CSMD3: variants seen among roughly 807,000 people sequenced by gnomAD.
CSMD3 encodes the protein CUB and sushi domain-containing protein 3.
A neutral mutation model predicts 435.2 loss-of-function variants in CSMD3; 177 were observed. That is an observed-to-expected ratio of 0.41 (90% confidence interval 0.36 to 0.46). CSMD3 has a LOEUF of 0.46. Ranked by LOEUF, CSMD3 falls within the 20% of genes least tolerant of loss-of-function variation. CSMD3 has a pLI of 0.34. For missense variants in CSMD3, 4,265 were observed against 4,504.6 expected (o/e 0.95, Z 1.52); for synonymous variants, 1,656 against 1,520.5 (o/e 1.09, Z -2.07).
chr8:112,462,315 A>C (rs1817530822), intron 32 of CSMD3, among the ~76,000 whole-genome samples: 1 of 152,224 alleles, frequency 6.6e-6, no homozygotes, highest in African/African-American at 2.4e-5. Context: ...AAACAACCAT[A>C]AATGGGGAAA....
intron 5 of CSMD3, among the ~76,000 whole-genome samples, chr8:113,083,333 A>G (rs1041904959): frequency 1.3e-5 from 2 of 152,078 alleles, no homozygotes; most frequent in African/African-American, 4.8e-5. Flanking sequence ...GAATGAGATG[A>G]TATATTCAAA....
At chr8:112,525,925 T>G (rs1037929872) in intron 27 of CSMD3, among the ~76,000 whole-genome samples, 2 of 143,612 alleles carry the variant, frequency 1.4e-5, no homozygotes. Flanking sequence ...TTTATATATA[T>G]AAATATATAT....
chr8:112,600,192 T>C (rs989082700), intron 22 of CSMD3, among the ~76,000 whole-genome samples: 30 of 152,144 alleles, frequency 2.0e-4, no homozygotes, highest in African/African-American at 5.3e-4. Flanking sequence ...AAATTCCATG[T>C]ACACTATAAT....
intron 49 of CSMD3, among the ~76,000 whole-genome samples, chr8:112,311,399 C>T (rs997305210): frequency 2.0e-5 from 3 of 152,054 alleles, no homozygotes; most frequent in South Asian, 2.1e-4. Context: ...ATATTGTCAC[C>T]GAAAATGTCT....
At chr8:112,582,550 A>C (rs1446996472) in intron 23 of CSMD3, among the ~76,000 whole-genome samples, 2 of 152,026 alleles carry the variant, frequency 1.3e-5, no homozygotes, top group African/African-American at 4.8e-5. Context: ...GCCAAATCAT[A>C]GGGCTATCTA....
intron 10 of CSMD3, among the ~76,000 whole-genome samples, chr8:112,866,026 T>C (rs1380521068): frequency 5.3e-5 from 8 of 152,164 alleles, no homozygotes; most frequent in Non-Finnish European, 8.8e-5. Context: ...TTCATTAACA[T>C]TGTGTGAACA....
intron 4 of CSMD3, among the ~76,000 whole-genome samples, chr8:113,117,511 T>A (rs2090868685): frequency 6.6e-6 from 1 of 152,094 alleles, no homozygotes; most frequent in African/African-American, 2.4e-5. Flanking sequence ...GGAAGGGAAA[T>A]GTTGGGTTTG....
At chr8:112,738,563 G>A (rs2077235262) in intron 13 of CSMD3, among the ~76,000 whole-genome samples, 1 of 151,590 alleles carries the variant, frequency 6.6e-6, no homozygotes, top group African/African-American at 2.4e-5. Flanking sequence ...AAAGATTTGA[G>A]AGACCCTTGG....
At position 112,975,940 on chromosome 8, in the gene CSMD3, G is replaced by A. The variant is rs1160523154; in HGVS notation, c.1239C>T (p.Asp413=). Residue 413 remains aspartate, a synonymous_variant, in exon 7 of 71, where the codon GAC becomes GAT. Transcript: ENST00000297405. The part of the protein sequence containing the change: ...NSGLDPNTSK[D]GLSPHPADTQ... Reference sequence around the variant, plus strand: ...TATCTGCTGGATGAGGAGAGAGCCCGTCCTTGGACGTGTTGGGGTCCAGAC... The same window carrying A: ...TATCTGCTGGATGAGGAGAGAGCCCATCCTTGGACGTGTTGGGGTCCAGAC... 9 of 1,614,002 alleles carry A rather than the reference G, an allele frequency of 5.6e-6. No homozygotes were observed. Among genetic ancestry groups the A allele is most frequent in the Non-Finnish European group, 7.6e-6 (9 of 1,179,950 alleles).
At chr8:112,689,469 T>C (rs899808628) in intron 14 of CSMD3, among the ~76,000 whole-genome samples, 5 of 152,030 alleles carry the variant, frequency 3.3e-5, no homozygotes, top group African/African-American at 1.2e-4. Context: ...GTTAGTGCAT[T>C]ATACATACAA....
At chr8:113,345,887 G>C (rs1373502596) in intron 1 of CSMD3, among the ~76,000 whole-genome samples, 1 of 151,878 alleles carries the variant, frequency 6.6e-6, no homozygotes, top group Non-Finnish European at 1.5e-5. Flanking sequence ...CCAGAACTTA[G>C]CTGTCCACAG....
At chr8:112,365,200 T>G (rs981587627) in intron 38 of CSMD3, among the ~76,000 whole-genome samples, 1 of 152,142 alleles carries the variant, frequency 6.6e-6, no homozygotes, top group Non-Finnish European at 1.5e-5. Context: ...ATAGATTTTC[T>G]TGAATTCTGC....
chr8:112,877,164 G>A (rs964669233), intron 10 of CSMD3, among the ~76,000 whole-genome samples: 23 of 151,972 alleles, frequency 1.5e-4, no homozygotes, highest in East Asian at 1.9e-4. Context: ...AATCAATATC[G>A]TGAAAATGGC....
Position 112,234,457 on chromosome 8 carries a change from C to G in CSMD3, c.10648G>C (p.Ala3550Pro). The change falls in exon 68 of 71, where the codon GCT becomes CCT. Residue 3550 changes from alanine to proline, a missense_variant. By Grantham distance (27) the Ala-to-Pro change is conservative. Coordinates refer to ENST00000297405, the MANE Select transcript of CSMD3 (RefSeq NM_198123.2). ...LLSGVYKSQE[A>P]RLMLRIYLIK... is the part of the protein sequence containing the mutation. ...AGATATATGCGTAACATTAGGCGAG[C>G]TTCCTGGCTTTTATATACCCCTGTA... 1 of 1,611,718 alleles carries G rather than the reference C, an allele frequency of 6.2e-7. No homozygotes were observed. The highest frequency in any genetic ancestry group is 8.5e-7 in the Non-Finnish European group (1 of 1,178,218).
At chr8:113,328,257 T>C (rs2093999069) in intron 1 of CSMD3, among the ~76,000 whole-genome samples, 1 of 150,916 alleles carries the variant, frequency 6.6e-6, no homozygotes, top group African/African-American at 2.4e-5. Flanking sequence ...GCTAAAACGG[T>C]GAAACCCCGT....
intron 3 of CSMD3, among the ~76,000 whole-genome samples, chr8:113,266,988 G>C (rs986905399): frequency 6.6e-6 from 1 of 151,334 alleles, no homozygotes; most frequent in Non-Finnish European, 1.5e-5. Flanking sequence ...CTGCTAACAG[G>C]TATATGAAAA....
chr8:113,140,645 C>T (rs375765211), intron 4 of CSMD3, among the ~76,000 whole-genome samples: 12 of 151,092 alleles, frequency 7.9e-5, no homozygotes, highest in African/African-American at 2.7e-4. Context: ...CTAAACATCA[C>T]ATTTCTAAAT....
chr8:113,017,724 T>C (rs1285426973), intron 6 of CSMD3, among the ~76,000 whole-genome samples: 3 of 152,024 alleles, frequency 2.0e-5, no homozygotes, highest in African/African-American at 7.2e-5. Flanking sequence ...TTCAATAAAA[T>C]AGTCCTCTAA....
intron 16 of CSMD3, among the ~76,000 whole-genome samples, chr8:112,673,465 G>C (rs1462286899): frequency 1.3e-5 from 2 of 152,018 alleles, no homozygotes; most frequent in Non-Finnish European, 2.9e-5. Context: ...AGGAGACGTA[G>C]AATTTAATAA....
Sources: gnomAD v4.1 joint callset for allele counts (sites outside exome capture counted in the v4.1 genomes callset) on GRCh38, gnomAD v4.1.1 for gene constraint, MANE v1.5 for transcripts, NCBI Gene and HGNC (gene_info 2026-07-23, HGNC 2026-07-21) for gene names.